SGIP1: variants seen among roughly 807,000 people sequenced by gnomAD.
The protein encoded by SGIP1 is SH3GL interacting endocytic adaptor 1.
In SGIP1, 38 loss-of-function variants were observed where a neutral mutation model predicts 107.5. The ratio of observed to expected loss-of-function variants is 0.35; its 90% CI spans 0.27 to 0.46. The LOEUF (loss-of-function observed/expected upper bound fraction) is 0.46. Among genes scored for constraint, SGIP1 ranks in the 20% least tolerant of loss-of-function variants. The pLI, the probability that SGIP1 is intolerant of heterozygous loss-of-function variation, is 1.00. For synonymous variants in SGIP1, 365 were observed against 366.1 expected, an observed-to-expected ratio of 1.00 and a Z score of 0.03; for missense variants, 929 against 1,019.5, an observed-to-expected ratio of 0.91 and a Z score of 1.21.
At chr1:66,619,110 CTCT>C (rs2070252852) in intron 1 of SGIP1, among the ~76,000 whole-genome samples, 1 of 152,270 alleles carries the variant, frequency 6.6e-6, no homozygotes, top group African/African-American at 2.4e-5. Context: ...CTTAAAGCTC[CTCT>C]TCTTCTCCAG....
chr1:66,575,235 G>A (rs2060901020), intron 1 of SGIP1, among the ~76,000 whole-genome samples: 1 of 152,164 alleles, frequency 6.6e-6, no homozygotes. Flanking sequence ...AAGAGGATGG[G>A]AGGGTTTATA....
intron 15 of SGIP1, among the ~76,000 whole-genome samples, chr1:66,685,284 A>G (rs575410348): frequency 2.3e-4 from 35 of 152,360 alleles, no homozygotes; most frequent in Middle Eastern, 3.4e-3. Context: ...GACAGTACTG[A>G]TAACCTTGTG....
intron 1 of SGIP1, among the ~76,000 whole-genome samples, chr1:66,572,936 T>A (rs1411786626): frequency 6.6e-6 from 1 of 152,090 alleles, no homozygotes; most frequent in African/African-American, 2.4e-5. Flanking sequence ...AAATATTGTG[T>A]CAAGTGAAAG....
intron 12 of SGIP1, among the ~76,000 whole-genome samples, chr1:66,676,382 A>G (rs1266334358): frequency 6.6e-6 from 1 of 152,244 alleles, no homozygotes; most frequent in Non-Finnish European, 1.5e-5. Flanking sequence ...AAGCAAAAAG[A>G]AAGAGAAGAA....
chr1:66,586,488 T>A (rs1480432779), intron 1 of SGIP1, among the ~76,000 whole-genome samples: 4 of 152,160 alleles, frequency 2.6e-5, no homozygotes, highest in Admixed American at 2.6e-4. Context: ...TTGCATAGAA[T>A]TTCTAGTGGC....
intron 10 of SGIP1, among the ~76,000 whole-genome samples, chr1:66,671,296 T>C (rs773464841): frequency 6.6e-5 from 10 of 152,214 alleles, no homozygotes; most frequent in Non-Finnish European, 5.9e-5. Context: ...TATTTAACTT[T>C]AGAAATGAAT....
chr1:66,548,723 T>C (rs2056882232), intron 1 of SGIP1, among the ~76,000 whole-genome samples: 1 of 152,128 alleles, frequency 6.6e-6, no homozygotes. Context: ...GAGGTTGACC[T>C]CTCCATGTTT....
chr1:66,624,955 G>A (rs773846174), intron 1 of SGIP1, among the ~76,000 whole-genome samples: 4 of 152,192 alleles, frequency 2.6e-5, no homozygotes, highest in Non-Finnish European at 5.9e-5. Flanking sequence ...TTCTTAGCCA[G>A]TGCTGCTTGA....
At chr1:66,563,869 T>C (rs2059294677) in intron 1 of SGIP1, among the ~76,000 whole-genome samples, 1 of 152,014 alleles carries the variant, frequency 6.6e-6, no homozygotes. Flanking sequence ...TGTCTCTTCC[T>C]TAACTCTTAG....
At position 66,602,980 on chromosome 1, in the gene SGIP1, G is replaced by C. The variant is rs1434000475; in HGVS notation, c.11-22867G>C. Reference sequence around the variant, plus strand: ...TCTGTGCTCTAGTTATTACCTGTGGGAAACAATGGGGTTTGTTTTTGTTCT... The same window carrying C: ...TCTGTGCTCTAGTTATTACCTGTGGCAAACAATGGGGTTTGTTTTTGTTCT... On this transcript the variant is annotated intron_variant, in intron 1 of 24. Transcript: ENST00000371037. 2.6e-5 allele frequency among the ~76,000 whole-genome samples: 4 copies of C among 152,132 alleles called. 1 individual carries two copies. The highest frequency in any genetic ancestry group is 9.7e-5 in the African/African-American group (4 of 41,442).
At chr1:66,579,850 A>G (rs564125954) in intron 1 of SGIP1, among the ~76,000 whole-genome samples, 2 of 152,276 alleles carry the variant, frequency 1.3e-5, no homozygotes, top group African/African-American at 4.8e-5. Context: ...GTAAATGCCA[A>G]CTTTGTCCTT....
chr1:66,707,235 T>C (rs907092295), intron 18 of SGIP1, among the ~76,000 whole-genome samples: 8 of 152,158 alleles, frequency 5.3e-5, no homozygotes, highest in Non-Finnish European at 8.8e-5. Context: ...CATTTTTTTT[T>C]CTAACCAATA....
At chr1:66,644,379 T>C (rs529650503) in intron 7 of SGIP1, among the ~76,000 whole-genome samples, 2 of 152,294 alleles carry the variant, frequency 1.3e-5, no homozygotes, top group African/African-American at 4.8e-5. Flanking sequence ...TTGCACAATT[T>C]GCACTTTCAT....
chr1:66,717,040 A>C (rs2093286826), intron 18 of SGIP1, among the ~76,000 whole-genome samples: 1 of 152,126 alleles, frequency 6.6e-6, no homozygotes, highest in African/African-American at 2.4e-5. Flanking sequence ...CTCAGCTCCA[A>C]TATCTTCTTA....
chr1:66,735,125 A>C (rs1180635654), intron 21 of SGIP1, among the ~76,000 whole-genome samples: 1 of 151,420 alleles, frequency 6.6e-6, no homozygotes, highest in Non-Finnish European at 1.5e-5. Flanking sequence ...CCACCCCACC[A>C]CCACTACCTC....
intron 19 of SGIP1, among the ~76,000 whole-genome samples, chr1:66,723,719 TATAA>T (rs543254260): frequency 3.9e-5 from 6 of 152,184 alleles, no homozygotes; most frequent in African/African-American, 7.2e-5. Context: ...GTAGGCACCC[TATAA>T]ATAAATAAAT....
intron 12 of SGIP1, among the ~76,000 whole-genome samples, chr1:66,674,560 T>G (rs536331560): frequency 6.6e-4 from 100 of 152,318 alleles, no homozygotes; most frequent in African/African-American, 2.3e-3. Flanking sequence ...TAAGCTACAT[T>G]AACAAAGAGA....
intron 1 of SGIP1, among the ~76,000 whole-genome samples, chr1:66,566,417 CCAT>C (rs1251637053): frequency 6.6e-6 from 1 of 151,920 alleles, no homozygotes; most frequent in Non-Finnish European, 1.5e-5. Flanking sequence ...TTTATTTTTT[CCAT>C]CAAGAAAAGA....
Position 66,750,433 on chromosome 1 carries a change from C to T in SGIP1, c.*7338C>T, listed in dbSNP as rs572968152. On this transcript the variant is annotated 3_prime_UTR_variant, in exon 25 of 25. Coordinates refer to ENST00000371037, the MANE Select transcript of SGIP1 (RefSeq NM_032291.4). Reference sequence around the variant, plus strand: ...GTTTCTATAGGTAATGAAATCCTGTCAATTAAGGAAAATGCTGTGTGTAAT... The same window carrying T: ...GTTTCTATAGGTAATGAAATCCTGTTAATTAAGGAAAATGCTGTGTGTAAT... Among the ~76,000 whole-genome samples, 32 of 152,118 alleles carry T rather than the reference C, an allele frequency of 2.1e-4. No homozygotes were observed. The highest frequency in any genetic ancestry group is 7.7e-4 in the African/African-American group (32 of 41,514).
Sources: gnomAD v4.1 joint callset for allele counts (sites outside exome capture counted in the v4.1 genomes callset) on GRCh38, gnomAD v4.1.1 for gene constraint, MANE v1.5 for transcripts, NCBI Gene and HGNC (gene_info 2026-07-23, HGNC 2026-07-21) for gene names.